The following CHST8 variants were observed in gnomAD, a reference collection of about 807,000 sequenced individuals.
CHST8 encodes the protein GALNAC-4-ST1.
In CHST8, 10 loss-of-function variants were observed where a neutral mutation model predicts 15.0. The observed-to-expected ratio is 0.67, with a 90% CI of 0.41 to 1.13. The LOEUF is 1.13. Among genes scored for constraint, CHST8 ranks in the 50% most tolerant of loss-of-function variants. The pLI, the probability that CHST8 is intolerant of heterozygous loss-of-function variation, is 0.00. For synonymous variants in CHST8, 259 were observed against 256.6 expected, an observed-to-expected ratio of 1.01 and a Z score of -0.09; for missense variants, 634 against 608.2, an observed-to-expected ratio of 1.04 and a Z score of -0.45.
intron 3 of CHST8, among the ~76,000 whole-genome samples, chr19:33,709,385 A>C (rs902790824): frequency 6.6e-6 from 1 of 152,090 alleles, no homozygotes; most frequent in African/African-American, 2.4e-5. Context: ...CCTTCAGGAA[A>C]TTGTCTTCTA....
At chr19:33,709,103 T>C (rs2145290544) in intron 3 of CHST8, among the ~76,000 whole-genome samples, 1 of 152,364 alleles carries the variant, frequency 6.6e-6, no homozygotes, top group East Asian at 1.9e-4. Flanking sequence ...GTTAGTTAAT[T>C]CTAATTGTTT....
rs142523260 is a variant in CHST8, at chr19:33,722,531, G to A, written c.130+33140G>A. Among the ~76,000 whole-genome samples, 330 of 152,278 alleles carry A rather than the reference G, an allele frequency of 2.2e-3. 1 individual carries two copies. Among genetic ancestry groups the A allele is most frequent in the African/African-American group, 7.3e-3 (305 of 41,542 alleles). On this transcript the variant is annotated intron_variant, in intron 3 of 4. Coordinates refer to ENST00000650847, the MANE Select transcript of CHST8 (RefSeq NM_001127895.2). ...TCCAGAAGCTATTTTCTTGCAGTTC[G>A]CACACCCAGCATTCCTGTGGTCTTG... is the stretch of plus-strand genomic sequence containing the variant.
intron 3 of CHST8, among the ~76,000 whole-genome samples, chr19:33,765,586 G>A (rs963455488): frequency 7.5e-5 from 10 of 132,858 alleles, no homozygotes; most frequent in East Asian, 2.3e-4. Flanking sequence ...AGAGAGAGAC[G>A]GAGTCTTACT....
chr19:33,701,056 C>G (rs533935182), intron 3 of CHST8, among the ~76,000 whole-genome samples: 5 of 152,232 alleles, frequency 3.3e-5, no homozygotes, highest in Non-Finnish European at 7.4e-5. Context: ...TCATTGAATT[C>G]TGCTGTTTGA....
At chr19:33,769,598 G>A (rs1316014636) in intron 3 of CHST8, among the ~76,000 whole-genome samples, 3 of 152,116 alleles carry the variant, frequency 2.0e-5, no homozygotes, top group Non-Finnish European at 4.4e-5. Context: ...ATGGGATGGG[G>A]AAGAGGAGGG....
intron 3 of CHST8, among the ~76,000 whole-genome samples, chr19:33,737,749 C>G (rs1271024065): frequency 6.6e-6 from 1 of 152,118 alleles, no homozygotes; most frequent in Non-Finnish European, 1.5e-5. Context: ...TTGAGCTTCC[C>G]CCAGCCTTCT....
chr19:33,665,635 C>G (rs1272080226), intron 1 of CHST8, among the ~76,000 whole-genome samples: 1 of 149,988 alleles, frequency 6.7e-6, no homozygotes, highest in African/African-American at 2.5e-5. Context: ...ATCTTCAAAA[C>G]TGAAAAAAAA....
At chr19:33,673,878 C>T (rs920571546) in intron 2 of CHST8, among the ~76,000 whole-genome samples, 3 of 152,154 alleles carry the variant, frequency 2.0e-5, no homozygotes, top group Non-Finnish European at 2.9e-5. Flanking sequence ...CTCAGCTTCC[C>T]GGGTAGATGG....
chr19:33,684,251 G>C (rs535540543), intron 2 of CHST8, among the ~76,000 whole-genome samples: 8 of 152,352 alleles, frequency 5.3e-5, no homozygotes, highest in African/African-American at 1.7e-4. Context: ...CCCCGCTGCA[G>C]AGCATGGGGC....
At chr19:33,714,451 C>T (rs1203073152) in intron 3 of CHST8, among the ~76,000 whole-genome samples, 3 of 152,024 alleles carry the variant, frequency 2.0e-5, no homozygotes, top group Non-Finnish European at 4.4e-5. Flanking sequence ...CGATGGGTAC[C>T]CATGGACATA....
At chr19:33,771,198 G>A (rs933295367) in intron 3 of CHST8, among the ~76,000 whole-genome samples, 2 of 152,156 alleles carry the variant, frequency 1.3e-5, no homozygotes, top group Admixed American at 1.3e-4. Context: ...TCAGCTGCGA[G>A]CCAGTGGGAC....
chr19:33,766,982 C>T (rs956169947), intron 3 of CHST8, among the ~76,000 whole-genome samples: 3 of 152,244 alleles, frequency 2.0e-5, no homozygotes, highest in South Asian at 2.1e-4. Context: ...CTGGCATGGC[C>T]GCTCCTGCCC....
At chr19:33,712,781 T>C (rs1973582854) in intron 3 of CHST8, among the ~76,000 whole-genome samples, 1 of 152,112 alleles carries the variant, frequency 6.6e-6, no homozygotes, top group Admixed American at 6.5e-5. Context: ...AGGAGACTCC[T>C]TGCCCGAGTC....
rs73926597 is a variant in CHST8, at chr19:33,733,919, T to C, written c.131-37494T>C. Among the ~76,000 whole-genome samples the C allele has an allele frequency of 4.6e-3, 700 of 152,296 alleles. 6 individuals are homozygous for C. Among genetic ancestry groups the C allele is most frequent in the African/African-American group, 0.015 (639 of 41,566 alleles). On this transcript the variant is annotated intron_variant, in intron 3 of 4. Transcript: ENST00000650847. ...GAGCTCTACAAACTTCCGTCGTTGA[T>C]CTGTGATCTATGAGGCAAGCCTCCT... is the stretch of plus-strand genomic sequence containing the variant.
At chr19:33,672,153 G>A (rs1025312696) in intron 2 of CHST8, among the ~76,000 whole-genome samples, 1 of 152,068 alleles carries the variant, frequency 6.6e-6, no homozygotes, top group Non-Finnish European at 1.5e-5. Context: ...GTTTATATAA[G>A]TGGTGGAATC....
intron 1 of CHST8, among the ~76,000 whole-genome samples, chr19:33,626,191 G>A (rs1268809982): frequency 6.6e-6 from 1 of 152,146 alleles, no homozygotes; most frequent in Non-Finnish European, 1.5e-5. Flanking sequence ...ATGGCAGATC[G>A]TGAGGCTTAC....
chr19:33,624,876 A>G (rs1972031572), intron 1 of CHST8, among the ~76,000 whole-genome samples: 1 of 152,138 alleles, frequency 6.6e-6, no homozygotes, highest in African/African-American at 2.4e-5. Context: ...GTGTGGCCCA[A>G]GCTGAGGTCC....
chr19:33,652,439 A>G (rs990456348), intron 1 of CHST8, among the ~76,000 whole-genome samples: 10 of 140,474 alleles, frequency 7.1e-5, no homozygotes, highest in African/African-American at 1.3e-4. Context: ...GTAGTGGCGC[A>G]ATCTCAGCTC....
In CHST8 at chr19:33,645,266, G is replaced by C. The variant is rs568135332; in HGVS notation, c.-163-22501G>C. ...GGCGGGGGACAGAGATGTGGGCCCT[G>C]CAGAACAGAGTACAGAGTAGGAAAT... On this transcript the variant is annotated intron_variant, in intron 1 of 4. Transcript: ENST00000650847. Among the ~76,000 whole-genome samples, 666 of 152,330 alleles carry C rather than the reference G, an allele frequency of 4.4e-3. 3 individuals are homozygous for C. Among genetic ancestry groups the C allele is most frequent in the African/African-American group, 0.015 (619 of 41,564 alleles).
Sources: gnomAD v4.1 joint callset for allele counts (sites outside exome capture counted in the v4.1 genomes callset) on GRCh38, gnomAD v4.1.1 for gene constraint, MANE v1.5 for transcripts, NCBI Gene and HGNC (gene_info 2026-07-23, HGNC 2026-07-21) for gene names.